FUNDC2: variants seen among roughly 807,000 people sequenced by gnomAD.
FUNDC2 encodes the protein FUN14 domain-containing protein 2.
In FUNDC2, 4 loss-of-function variants were observed where a neutral mutation model predicts 15.6. The observed-to-expected ratio is 0.26, with a 90% CI of 0.13 to 0.59. The LOEUF is 0.59. Ranked by LOEUF, FUNDC2 falls within the 20% of genes least tolerant of loss-of-function variation. The pLI is 0.90. For synonymous variants in FUNDC2, 44 were observed against 56.9 expected (o/e 0.77, Z 1.02); for missense variants, 98 against 149.7 (o/e 0.65, Z 1.80).
intron 1 of FUNDC2, among the ~76,000 whole-genome samples, chrX:155,028,803 A>T (rs782587470): frequency 2.7e-5 from 3 of 111,905 alleles, no homozygotes; most frequent in Non-Finnish European, 5.6e-5. Context: ...GGTCAGTTTG[A>T]CAGTGTTGAA....
intron 4 of FUNDC2, 88 bp from the exon 5 acceptor site, chrX:155,054,507 T>C: frequency 1.7e-6 from 2 of 1,185,183 alleles, no homozygotes; most frequent in South Asian, 3.8e-5. Context: ...TTGACATTGT[T>C]AAGACTGGCA....
chrX:155,047,021 AC>A (rs1267302901), intron 3 of FUNDC2: 2 of 215,374 alleles, frequency 9.3e-6, no homozygotes, highest in African/African-American at 5.8e-5. Context: ...TGTCTCCTTG[AC>A]CCATAGTTTC....
chrX:155,051,417 C>T, intron 3 of FUNDC2: 1 of 304,400 alleles, frequency 3.3e-6, no homozygotes, highest in South Asian at 5.5e-5. Context: ...TTATGTAACT[C>T]TTTGTAAAAG....
chrX:155,028,270 A>G (rs1201576087), intron 1 of FUNDC2, among the ~76,000 whole-genome samples: 3 of 111,433 alleles, frequency 2.7e-5, no homozygotes, highest in Non-Finnish European at 3.8e-5. Context: ...TTTGTCTGTC[A>G]TAGTGCTTAG....
intron 2 of FUNDC2, among the ~76,000 whole-genome samples, chrX:155,041,246 A>C (rs1226712198): frequency 2.7e-5 from 3 of 112,085 alleles, no homozygotes; most frequent in Non-Finnish European, 3.8e-5. Flanking sequence ...CTAACGCTTC[A>C]TATATGATAT....
At chrX:155,042,175 C>CTTT (rs1175079092) in intron 2 of FUNDC2, among the ~76,000 whole-genome samples, 10 of 39,197 alleles carry the variant, frequency 2.6e-4, no homozygotes, top group African/African-American at 5.2e-4. Flanking sequence ...CTTTTTCTAT[C>CTTT]TTTTTTTTTT....
chrX:155,038,163 G>T (rs1376880684), intron 2 of FUNDC2, among the ~76,000 whole-genome samples: 3 of 110,235 alleles, frequency 2.7e-5, no homozygotes, highest in African/African-American at 9.9e-5. Context: ...GGAGGGGGAG[G>T]TTGTAGTGAG....
rs1261529310 is a variant in FUNDC2 at position 155,057,028 on chromosome X, GGTTGGC to G, written c.*2357_*2362del. 9.9e-6 allele frequency: 1 copy of G among 100,824 alleles called. No homozygotes were observed. The highest frequency in any genetic ancestry group is 2.1e-5 in the Non-Finnish European group (1 of 48,250). The allele number at this position is 100,824 out of a possible 1,213,427, so 8.3% of individuals were successfully genotyped here. A position where few individuals can be genotyped will look rare whatever the true frequency, so the allele number is the denominator to read the frequency against. ...GGTCATGGTTGAGGTCAGTATTGCA[GGTTGGC>G]CTCATCCTGCTAGTATGAGAACGGC... On this transcript the variant is annotated 3_prime_UTR_variant, in exon 5 of 5. Coordinates refer to ENST00000369498, the MANE Select transcript of FUNDC2 (RefSeq NM_023934.4).
chrX:155,049,641 A>C (rs2124196931), intron 3 of FUNDC2: 1 of 111,768 alleles, frequency 8.9e-6, no homozygotes, highest in African/African-American at 3.3e-5. Flanking sequence ...GGGATTTGTG[A>C]TTTGGGATTG....
At chrX:155,027,169 C>G (rs1385764503) in intron 1 of FUNDC2, 98 bp downstream of exon 1, 1 of 905,242 alleles carries the variant, frequency 1.1e-6, no homozygotes, top group Non-Finnish European at 1.4e-6. Flanking sequence ...GACCGAGCTC[C>G]CCGGGGAGTC....
At chrX:155,032,457 G>C (rs1467394914) in intron 1 of FUNDC2, among the ~76,000 whole-genome samples, 1 of 108,493 alleles carries the variant, frequency 9.2e-6, no homozygotes, top group Non-Finnish European at 1.9e-5. Flanking sequence ...TGTATTTTTA[G>C]TAGAGATGGG....
At chrX:155,053,060 G>A (rs1163220863) in intron 4 of FUNDC2, among the ~76,000 whole-genome samples, 1 of 111,649 alleles carries the variant, frequency 9.0e-6, no homozygotes, top group Non-Finnish European at 1.9e-5. Flanking sequence ...GGAGAGACAG[G>A]GTCTCCCTGT....
rs2073918516 is a variant in FUNDC2, at chrX:155,059,099, A to G, written c.*4427A>G. On this transcript the variant is annotated 3_prime_UTR_variant, in exon 5 of 5. Coordinates refer to ENST00000369498, the MANE Select transcript of FUNDC2 (RefSeq NM_023934.4). ...GTTTTAAAGTGTCTTAGCTTTTTCT[A>G]ATGAGCAGCAGAGACTGAGAACCAC... The G allele has an allele frequency of 8.9e-6, 1 of 111,989 alleles. No homozygotes were observed. Among genetic ancestry groups the G allele is most frequent in the Admixed American group, 9.4e-5 (1 of 10,604 alleles). 9.2% of individuals were successfully genotyped at this position (111,989 alleles called of 1,213,427 possible).
chrX:155,041,439 C>G (rs782188532), intron 2 of FUNDC2, among the ~76,000 whole-genome samples: 1 of 111,801 alleles, frequency 8.9e-6, no homozygotes, highest in Non-Finnish European at 1.9e-5. Flanking sequence ...TTCTTGTGCT[C>G]TTCATGCCTT....
chrX:155,031,384 A>G (rs2073814547), intron 1 of FUNDC2, among the ~76,000 whole-genome samples: 1 of 111,563 alleles, frequency 9.0e-6, no homozygotes, highest in South Asian at 3.8e-4. Flanking sequence ...GCTGGAGTGC[A>G]GTGGTGCGAT....
chrX:155,058,277 G>C lies in FUNDC2; in HGVS notation c.*3605G>C, dbSNP rs1270691433. Reference sequence around the variant, plus strand: ...CATAATTCTAGCCAACATGCTCTTGGGGTGGGTGCTTCTGGTTTTGGAAAG... The same window carrying C: ...CATAATTCTAGCCAACATGCTCTTGCGGTGGGTGCTTCTGGTTTTGGAAAG... On this transcript the variant is annotated 3_prime_UTR_variant, in exon 5 of 5. Coordinates refer to ENST00000369498, the MANE Select transcript of FUNDC2 (RefSeq NM_023934.4). 1.8e-5 allele frequency: 2 copies of C among 111,352 alleles called. No homozygotes were observed. The highest frequency in any genetic ancestry group is 3.8e-5 in the Non-Finnish European group (2 of 53,063). The allele number at this position is 111,352 out of a possible 1,213,427, so 9.2% of individuals were successfully genotyped here. A position where few individuals can be genotyped will look rare whatever the true frequency, so the allele number is the denominator to read the frequency against.
intron 4 of FUNDC2, 55 bp downstream of exon 4, chrX:155,051,856 C>T: frequency 8.7e-7 from 1 of 1,143,726 alleles, no homozygotes; most frequent in South Asian, 1.9e-5. Flanking sequence ...AAAAACAGGG[C>T]TTAACCCTAT....
rs2073893837 is a variant in FUNDC2, at chrX:155,055,998, T to C, written c.*1326T>C. ...AACTACCAGTGGATGTGTGGAACTT[T>C]ACAGAAACCACCTATTTGCGTTTTT... On this transcript the variant is annotated 3_prime_UTR_variant, in exon 5 of 5. Transcript: ENST00000369498. 1 of 112,279 alleles carries C rather than the reference T, an allele frequency of 8.9e-6. No homozygotes were observed. Among genetic ancestry groups the C allele is most frequent in the Non-Finnish European group, 1.9e-5 (1 of 53,278 alleles). The allele number at this position is 112,279 out of a possible 1,213,427, so 9.3% of individuals were successfully genotyped here.
rs1423225965 is a variant in FUNDC2, at chrX:155,056,723, C to T, written c.*2051C>T. ...CTTACCCACAGCAATGGGATGGTAA[C>T]AGCAAAGCTAACCAAAGTGCTCTGT... On this transcript the variant is annotated 3_prime_UTR_variant, in exon 5 of 5. Transcript: ENST00000369498. The T allele has an allele frequency of 9.0e-6, 1 of 111,014 alleles. No homozygotes were observed. The highest frequency in any genetic ancestry group is 1.9e-5 in the Non-Finnish European group (1 of 52,937). The allele number at this position is 111,014 out of a possible 1,213,427, so 9.1% of individuals were successfully genotyped here.
Sources: allele counts gnomAD v4.1 joint callset (sites outside exome capture counted in the v4.1 genomes callset), GRCh38; gene constraint gnomAD v4.1.1; transcripts MANE v1.5; gene names NCBI Gene and HGNC (gene_info 2026-07-23, HGNC 2026-07-21).